The following PPP1R42 variants were observed in gnomAD, a reference collection of about 807,000 sequenced individuals.
PPP1R42 encodes protein phosphatase 1 regulatory subunit 42, also known as leucine rich repeat containing 67.
In PPP1R42, 34 loss-of-function variants were observed where a neutral mutation model predicts 31.0. That is an observed-to-expected ratio of 1.10 (90% CI 0.83 to 1.46). The LOEUF is 1.46. Among genes scored for constraint, PPP1R42 ranks in the 40% most tolerant of loss-of-function variants. PPP1R42 has a pLI of 0.00. For synonymous variants in PPP1R42, 103 were observed against 109.8 expected, an observed-to-expected ratio of 0.94 and a Z score of 0.39; for missense variants, 268 against 303.0, an observed-to-expected ratio of 0.88 and a Z score of 0.86.
chr8:67,006,249 G>A (rs75241497), intron 5 of PPP1R42, among the ~76,000 whole-genome samples: 1,809 of 152,232 alleles, frequency 0.012, 19 homozygotes, highest in Admixed American at 0.019. Flanking sequence ...GAGGCCTTTC[G>A]TAATAACCTG....
At chr8:66,984,040 G>C (rs1814927016) in intron 6 of PPP1R42, 1 of 1,244,666 alleles carries the variant, frequency 8.0e-7, no homozygotes, top group Non-Finnish European at 1.2e-6. Flanking sequence ...ACAGTTCTGA[G>C]ATCATACAAG....
At chr8:66,964,841 T>G (rs150489827) in intron 7 of PPP1R42, among the ~76,000 whole-genome samples, 262 of 152,310 alleles carry the variant, frequency 1.7e-3, no homozygotes, top group African/African-American at 5.8e-3. Context: ...TCAGCAAGCT[T>G]TCATAAACAT....
At chr8:66,986,102 G>C (rs576919644) in intron 6 of PPP1R42, 3 of 713,228 alleles carry the variant, frequency 4.2e-6, no homozygotes, top group South Asian at 2.8e-5. Context: ...TCTTGTCCAT[G>C]CTCTTCCCTA....
At chr8:67,020,550 C>T (rs1816183584) in intron 1 of PPP1R42, among the ~76,000 whole-genome samples, 1 of 152,168 alleles carries the variant, frequency 6.6e-6, no homozygotes, top group Non-Finnish European at 1.5e-5. Context: ...TTGGCTTCAT[C>T]ACTTACTAGT....
rs1814858100 is a variant in PPP1R42, at chr8:66,982,057, G to A, written c.794C>T (p.Ser265Leu). The change falls in exon 7 of 8, where the codon TCA becomes TTA. Residue 265 changes from serine to leucine, a missense_variant. Physicochemically the swap from Ser to Leu is moderately radical, Grantham distance 145 (BLOSUM62 -2). Transcript: ENST00000685739. ...AGTGACAGAGTGCTTACTTATGAGT[G>A]AATTGCTTGCATCCTCATTTTTACT... ...RSSKNEDASN[S>L]LIRISL 3.5e-6 allele frequency: 5 copies of A among 1,448,478 alleles called. No individual in the cohort carries two copies. The highest frequency in any genetic ancestry group is 4.5e-6 in the Non-Finnish European group (5 of 1,109,562). The allele number at this position is 1,448,478 out of a possible 1,614,324, so 89.7% of individuals were successfully genotyped here. A position where few individuals can be genotyped will look rare whatever the true frequency, so the allele number is the denominator to read the frequency against.
intron 3 of PPP1R42, among the ~76,000 whole-genome samples, chr8:67,014,073 T>C (rs1337568786): frequency 1.3e-5 from 2 of 152,220 alleles, no homozygotes; most frequent in Non-Finnish European, 2.9e-5. Context: ...AAACTTCTTT[T>C]ATCAGTTGAG....
At chr8:66,978,688 G>T (rs1814744179) in intron 7 of PPP1R42, among the ~76,000 whole-genome samples, 1 of 152,142 alleles carries the variant, frequency 6.6e-6, no homozygotes. Context: ...AAAATGCTGA[G>T]ATTACAGCCG....
intron 7 of PPP1R42, among the ~76,000 whole-genome samples, chr8:66,976,822 C>CA (rs1232745440): frequency 1.3e-5 from 2 of 152,070 alleles, no homozygotes; most frequent in African/African-American, 4.8e-5. Flanking sequence ...ACACTTAGGG[C>CA]AATTCTGTAT....
intron 7 of PPP1R42, among the ~76,000 whole-genome samples, chr8:66,973,925 T>C (rs954761763): frequency 1.2e-4 from 18 of 152,238 alleles, no homozygotes; most frequent in African/African-American, 4.3e-4. Flanking sequence ...TTCCTTTCTT[T>C]GTAAAGCTGA....
Position 67,015,068 on chromosome 8 carries a change from G to A in PPP1R42, c.130-476C>T, listed in dbSNP as rs564016620. On this transcript the variant is annotated intron_variant, in intron 2 of 7. Coordinates refer to ENST00000685739, the MANE Select transcript of PPP1R42 (RefSeq NM_001364910.1). ...GAGTCTCATTCTGTTGGCCAGGCTG[G>A]AGTGCAGTGACGCCATCTCGGCTCA... Among the ~76,000 whole-genome samples the A allele has an allele frequency of 5.3e-5, 8 of 152,220 alleles. No individual in the cohort carries two copies. The South Asian group carries it at 1.2e-3, about 24-fold the overall frequency.
At chr8:67,001,545 G>A (rs1295196604) in intron 5 of PPP1R42, among the ~76,000 whole-genome samples, 1 of 150,002 alleles carries the variant, frequency 6.7e-6, no homozygotes, top group African/African-American at 2.5e-5. Context: ...CTACTTTTTT[G>A]TGACATTTGA....
intron 6 of PPP1R42, chr8:66,988,118 C>T: frequency 9.6e-7 from 1 of 1,038,810 alleles, no homozygotes; most frequent in African/African-American, 1.7e-5. Flanking sequence ...AAAAGGTCAG[C>T]AAGTTCTACA....
At chr8:66,989,478 G>A (rs909714470) in intron 5 of PPP1R42, among the ~76,000 whole-genome samples, 4 of 152,100 alleles carry the variant, frequency 2.6e-5, no homozygotes, top group Non-Finnish European at 4.4e-5. Context: ...TACACTTTGA[G>A]TATTTCTTAT....
rs1468617927 is a variant in PPP1R42, at chr8:66,969,581, G to A, written c.803-5247C>T. Among the ~76,000 whole-genome samples the A allele has an allele frequency of 3.3e-5, 5 of 152,252 alleles. No homozygotes were observed. The East Asian group carries it at 9.6e-4, about 29-fold the overall frequency. ...TTCTCTCTCCTAAGACTGCATCCCAGCAAGCCTGAGCCACTCTGCAGGGAA... is the reference window on the plus strand; with the variant it reads ...TTCTCTCTCCTAAGACTGCATCCCAACAAGCCTGAGCCACTCTGCAGGGAA... On this transcript the variant is annotated intron_variant, in intron 7 of 7. Transcript: ENST00000685739.
rs781592860 is a variant in PPP1R42 at position 66,988,474 on chromosome 8, A to G, written c.596T>C (p.Ile199Thr). The G allele has an allele frequency of 2.1e-5, 34 of 1,611,384 alleles. No homozygotes were observed. The highest frequency in any genetic ancestry group is 4.0e-5 in the African/African-American group (3 of 74,816). ...ACAAACAGGATTTCCATTTAGATCA[A>G]TTTTCCACAGCTTCATCAACTTGTT... ...LLNKLMKLWK[I>T]DLNGNPVCLK... Residue 199 changes from isoleucine to threonine, a missense_variant, in exon 6 of 8, where the codon ATT becomes ACT. Physicochemically the swap from Ile to Thr is moderately conservative, Grantham distance 89 (BLOSUM62 -1). Transcript: ENST00000685739.
At chr8:66,993,947 C>A (rs1391222612) in intron 5 of PPP1R42, among the ~76,000 whole-genome samples, 1 of 152,096 alleles carries the variant, frequency 6.6e-6, no homozygotes, top group Non-Finnish European at 1.5e-5. Context: ...GAAGAAGTTG[C>A]TAATTAGAGG....
intron 7 of PPP1R42, among the ~76,000 whole-genome samples, chr8:66,976,311 A>G (rs1173808516): frequency 6.6e-6 from 1 of 152,170 alleles, no homozygotes; most frequent in African/African-American, 2.4e-5. Context: ...ATTATACATT[A>G]CAGTGCAATG....
intron 5 of PPP1R42, among the ~76,000 whole-genome samples, chr8:67,007,207 G>A (rs979871554): frequency 2.0e-5 from 3 of 152,008 alleles, no homozygotes. Flanking sequence ...TATTTATCAT[G>A]TATCTCCAGT....
intron 5 of PPP1R42, among the ~76,000 whole-genome samples, chr8:67,000,759 T>G (rs1382297171): frequency 6.6e-6 from 1 of 152,258 alleles, no homozygotes; most frequent in Non-Finnish European, 1.5e-5. Flanking sequence ...CACCCAGCTC[T>G]AAATATTCTA....
Sources: allele counts gnomAD v4.1 joint callset (sites outside exome capture counted in the v4.1 genomes callset), GRCh38; gene constraint gnomAD v4.1.1; transcripts MANE v1.5; gene names NCBI Gene and HGNC (gene_info 2026-07-23, HGNC 2026-07-21).